The following DNM3 variants were observed in gnomAD, a reference collection of about 807,000 sequenced individuals.
The protein encoded by DNM3 is dynamin 3, also known as dynamin-3.
Under a neutral mutation model 101.6 loss-of-function variants are expected in DNM3, and 47 were observed. That is an observed-to-expected ratio of 0.46 (90% CI 0.37 to 0.59). The LOEUF is 0.59. Ranked by LOEUF, DNM3 falls within the 20% of genes least tolerant of loss-of-function variation. The pLI is 0.00. For missense variants in DNM3, 849 were observed against 1,085.7 expected (o/e 0.78, Z 3.06); for synonymous variants, 385 against 387.9 (o/e 0.99, Z 0.09).
intron 2 of DNM3, among the ~76,000 whole-genome samples, chr1:171,931,081 T>A (rs1211824724): frequency 1.3e-5 from 2 of 152,100 alleles, no homozygotes. Context: ...AGTATACCAC[T>A]TAGGAATCAA....
intron 15 of DNM3, among the ~76,000 whole-genome samples, chr1:172,285,188 A>C (rs1042381863): frequency 3.9e-5 from 6 of 152,182 alleles, no homozygotes; most frequent in Non-Finnish European, 7.3e-5. Context: ...AAAATTGAGA[A>C]TGATATTTTT....
At chr1:171,844,561 T>C (rs1250841894) in intron 1 of DNM3, among the ~76,000 whole-genome samples, 9 of 152,256 alleles carry the variant, frequency 5.9e-5, no homozygotes, top group Admixed American at 5.9e-4. Flanking sequence ...GCGGTTGCTG[T>C]AAAAGCTGAT....
chr1:172,023,336 C>T (rs2047974794), intron 4 of DNM3, among the ~76,000 whole-genome samples: 1 of 152,102 alleles, frequency 6.6e-6, no homozygotes, highest in Non-Finnish European at 1.5e-5. Context: ...CGTTCTTTAA[C>T]AGCGTTCTTA....
At position 172,391,464 on chromosome 1, in the gene DNM3, G is replaced by A. The variant is rs116029302; in HGVS notation, c.2522+2655G>A. On this transcript the variant is annotated intron_variant, in intron 20 of 20. Transcript: ENST00000627582. ...TCTGTTTTTAATAAAAGCCAGAGCA[G>A]GAATCCTACCAAATACAAGCCAGAA... Among the ~76,000 whole-genome samples, 220 of 152,118 alleles carry A rather than the reference G, an allele frequency of 1.4e-3. 1 individual carries two copies. The highest frequency in any genetic ancestry group is 5.2e-3 in the African/African-American group (214 of 41,498).
At chr1:172,318,682 G>T (rs1262085036) in intron 16 of DNM3, among the ~76,000 whole-genome samples, 1 of 152,144 alleles carries the variant, frequency 6.6e-6, no homozygotes, top group African/African-American at 2.4e-5. Context: ...GCTTACAAGG[G>T]ACGTGAAGGA....
chr1:171,957,186 T>G (rs1268176583), intron 2 of DNM3, among the ~76,000 whole-genome samples: 1 of 145,976 alleles, frequency 6.9e-6, no homozygotes, highest in Non-Finnish European at 1.5e-5. Context: ...GTTTTTCTTT[T>G]CTTTCTTTCT....
intron 1 of DNM3, among the ~76,000 whole-genome samples, chr1:171,895,231 G>T (rs995575554): frequency 5.3e-5 from 8 of 152,220 alleles, no homozygotes; most frequent in Non-Finnish European, 1.2e-4. Context: ...CACAGTGGTT[G>T]AACTAATGTA....
intron 16 of DNM3, chr1:172,311,312 A>ATGTGTGTGTGTGTG (rs59722548): frequency 1.8e-4 from 26 of 147,056 alleles, no homozygotes; most frequent in African/African-American, 5.7e-4. Flanking sequence ...TTATTTATCA[A>ATGTGTGTGTGTGTG]TGTGTGTGTG....
chr1:172,325,530 T>TA (rs61218047), intron 17 of DNM3, among the ~76,000 whole-genome samples: 2,648 of 150,494 alleles, frequency 0.018, 87 homozygotes, highest in African/African-American at 0.06. Context: ...GACTCTGGCA[T>TA]AAAAAAAAAG....
chr1:172,279,754 A>G (rs2063417254), intron 15 of DNM3, among the ~76,000 whole-genome samples: 1 of 152,122 alleles, frequency 6.6e-6, no homozygotes, highest in Non-Finnish European at 1.5e-5. Flanking sequence ...CCTTGGATAT[A>G]TATTTAGAAT....
chr1:171,891,675 C>A (rs1306734049), intron 1 of DNM3, among the ~76,000 whole-genome samples: 2 of 152,050 alleles, frequency 1.3e-5, no homozygotes, highest in South Asian at 2.1e-4. Flanking sequence ...TTATAAAATA[C>A]CTCTTAATTG....
rs144743266 is a variant in DNM3, at chr1:172,183,749, C to CT, written c.1659+52461_1659+52462insT. Among the ~76,000 whole-genome samples, 729 of 148,750 alleles carry CT rather than the reference C, an allele frequency of 4.9e-3. 8 individuals carry two copies. The highest frequency in any genetic ancestry group is 0.017 in the African/African-American group (687 of 40,302). On this transcript the variant is annotated intron_variant, in intron 14 of 20. Transcript: ENST00000627582. ...CTGAGTAGCTAGGACTACAGGGTTG[C>CT]ACCACCATGCCCAGCTAATTTTTTT...
At chr1:172,219,332 A>G (rs768598196) in intron 14 of DNM3, among the ~76,000 whole-genome samples, 1 of 142,670 alleles carries the variant, frequency 7.0e-6, no homozygotes, top group Non-Finnish European at 1.5e-5. Context: ...ACTGCACTGC[A>G]GTATCACTGC....
At chr1:171,924,893 C>T (rs1047620614) in intron 2 of DNM3, among the ~76,000 whole-genome samples, 2 of 148,618 alleles carry the variant, frequency 1.3e-5, no homozygotes, top group African/African-American at 4.9e-5. Context: ...TGTCCTTTGC[C>T]CACTTTTTTT....
intron 14 of DNM3, 43 bp from the exon 15 acceptor site, chr1:172,253,511 TCTCCTCTCCTCTCCTCTCC>T: frequency 1.1e-6 from 1 of 890,496 alleles, no homozygotes. Flanking sequence ...TCTCCTCTCC[TCTCCTCTCCTCTCCTCTCC>T]TCTCCTCTCC....
intron 14 of DNM3, among the ~76,000 whole-genome samples, chr1:172,234,480 T>C (rs1424997480): frequency 6.6e-6 from 1 of 152,116 alleles, no homozygotes; most frequent in Non-Finnish European, 1.5e-5. Flanking sequence ...ACAGATTCAA[T>C]GCCATCCCCA....
At chr1:172,092,141 C>T (rs960182595) in intron 12 of DNM3, among the ~76,000 whole-genome samples, 3 of 151,920 alleles carry the variant, frequency 2.0e-5, no homozygotes, top group African/African-American at 7.3e-5. Flanking sequence ...AATGATATGC[C>T]CATTAAATAC....
At chr1:172,045,071 G>A (rs77038886) in intron 9 of DNM3, among the ~76,000 whole-genome samples, 6 of 152,142 alleles carry the variant, frequency 3.9e-5, no homozygotes, top group South Asian at 2.1e-4. Flanking sequence ...AGAGGTGAGC[G>A]GGCACAGTAT....
At chr1:172,094,060 T>C (rs902305489) in intron 13 of DNM3, among the ~76,000 whole-genome samples, 17 of 152,200 alleles carry the variant, frequency 1.1e-4, no homozygotes, top group African/African-American at 4.1e-4. Context: ...ATCTCTGTCC[T>C]TTTATGCTAT....
Sources: gnomAD v4.1 joint callset for allele counts (sites outside exome capture counted in the v4.1 genomes callset) on GRCh38, gnomAD v4.1.1 for gene constraint, MANE v1.5 for transcripts, NCBI Gene and HGNC (gene_info 2026-07-23, HGNC 2026-07-21) for gene names.